LRRD1: variants seen among roughly 807,000 people sequenced by gnomAD.
LRRD1 encodes the protein leucine rich repeats and death domain containing 1, also known as leucine-rich repeat and death domain-containing protein 1.
Under a neutral mutation model 69.5 loss-of-function variants are expected in LRRD1, and 49 were observed. The ratio of observed to expected loss-of-function variants is 0.70; its 90% CI spans 0.56 to 0.89. The LOEUF (loss-of-function observed/expected upper bound fraction) is 0.89, where lower values mean the gene tolerates loss of function less well. Ranked by LOEUF, LRRD1 falls within the 40% of genes least tolerant of loss-of-function variation. LRRD1 has a pLI of 0.00. For synonymous variants in LRRD1, 303 were observed against 338.9 expected, an observed-to-expected ratio of 0.89 and a Z score of 1.16; for missense variants, 853 against 956.0, an observed-to-expected ratio of 0.89 and a Z score of 1.42.
At chr7:92,156,442 A>G (rs1197073981) in intron 3 of LRRD1, among the ~76,000 whole-genome samples, 1 of 152,204 alleles carries the variant, frequency 6.6e-6, no homozygotes, top group African/African-American at 2.4e-5. Context: ...ATTTATAAAC[A>G]CTATATATCT....
chr7:92,159,686 A>C (rs1233054200), intron 2 of LRRD1, among the ~76,000 whole-genome samples: 1 of 144,640 alleles, frequency 6.9e-6, no homozygotes, highest in African/African-American at 2.6e-5. Context: ...CAATGGCATG[A>C]TCTCAGCTCA....
At chr7:92,160,249 A>G (rs1054696192) in intron 2 of LRRD1, among the ~76,000 whole-genome samples, 13 of 152,228 alleles carry the variant, frequency 8.5e-5, no homozygotes, top group Non-Finnish European at 1.8e-4. Flanking sequence ...TCTAATAGCT[A>G]AACAACAAGG....
chr7:92,177,274 T>C (rs377259413), intron 1 of LRRD1, among the ~76,000 whole-genome samples: 2 of 152,090 alleles, frequency 1.3e-5, no homozygotes, highest in African/African-American at 2.4e-5. Context: ...AAGGTTATAC[T>C]ACCATCATAG....
At chr7:92,154,068 C>T (rs1034743216) in intron 3 of LRRD1, among the ~76,000 whole-genome samples, 6 of 151,980 alleles carry the variant, frequency 3.9e-5, no homozygotes, top group Admixed American at 1.3e-4. Flanking sequence ...GAACTCCTGA[C>T]CTCAGGAGAT....
chr7:92,164,607 C>A lies in LRRD1; in HGVS notation c.596G>T (p.Gly199Val). 6.4e-7 allele frequency: 1 copy of A among 1,551,634 alleles called. No homozygotes were observed. The highest frequency in any genetic ancestry group is 8.7e-7 in the Non-Finnish European group (1 of 1,146,790). The change falls in exon 2 of 6, where the codon GGA (glycine) becomes GTA (valine). Residue 199 changes from glycine to valine, a missense_variant. Coordinates refer to ENST00000458448, the MANE Select transcript of LRRD1 (RefSeq NM_001161528.2). ...GLEILSLQEN[G>V]LSSLPSEIQL... ...AATTTCAGATGGAAGTGATGATAAT[C>A]CATTTTCTTGCAGGGATAGAATTTC...
chr7:92,165,038 A>G lies in LRRD1; in HGVS notation c.165T>C (p.Ile55=), dbSNP rs1380626262. Residue 55 remains isoleucine, a synonymous_variant, in exon 2 of 6, where the codon ATT becomes ATC. Coordinates refer to ENST00000458448, the MANE Select transcript of LRRD1 (RefSeq NM_001161528.2). ...DYLEGKSSNQ[I]YETHPRQNTL... The stretch of plus-strand genomic sequence containing the variant: ...TATTCTGTCTAGGATGTGTTTCATA[A>G]ATCTGGTTAGAAGATTTCCCTTCCA... The G allele has an allele frequency of 1.1e-5, 17 of 1,551,418 alleles. No individual in the cohort carries two copies. The highest frequency in any genetic ancestry group is 1.5e-5 in the Non-Finnish European group (17 of 1,146,958).
At chr7:92,165,924 T>TA (rs1346292450) in intron 1 of LRRD1, among the ~76,000 whole-genome samples, 6 of 145,632 alleles carry the variant, frequency 4.1e-5, no homozygotes, top group African/African-American at 1.3e-4. Flanking sequence ...CCATGACAGG[T>TA]AAAGAGTACC....
At chr7:92,171,410 A>C (rs1584662794) in intron 1 of LRRD1, among the ~76,000 whole-genome samples, 1 of 152,154 alleles carries the variant, frequency 6.6e-6, no homozygotes, top group East Asian at 1.9e-4. Context: ...TACATCAACA[A>C]ATTGGAAAAC....
intron 1 of LRRD1, among the ~76,000 whole-genome samples, chr7:92,176,990 T>C (rs1005969698): frequency 3.4e-5 from 5 of 148,482 alleles, no homozygotes; most frequent in Non-Finnish European, 5.9e-5. Flanking sequence ...TTGTATAATA[T>C]ATAAATAATA....
At chr7:92,156,940 C>A (rs1788670163) in intron 3 of LRRD1, among the ~76,000 whole-genome samples, 1 of 148,330 alleles carries the variant, frequency 6.7e-6, no homozygotes, top group South Asian at 2.1e-4. Context: ...AGGAAATTCT[C>A]TTCTATTTCT....
rs1470268453 is a variant in LRRD1 at position 92,164,459 on chromosome 7, A to T, written c.744T>A (p.Asn248Lys). 6.5e-7 allele frequency: 1 copy of T among 1,550,048 alleles called. No homozygotes were observed. The highest frequency in any genetic ancestry group is 2.5e-5 in the East Asian group (1 of 40,812). ...CAAGACATTCTAAGTCAGAAGGAAA[A>T]TTTTCAATGTAATTGTTATAAAAAA... ...QLFFYNNYIE[N>K]FPSDLECLGN... Residue 248 changes from asparagine (N) to lysine (K), a missense_variant, in exon 2 of 6, where the codon AAT (asparagine) becomes AAA (lysine). Asn to Lys is a moderately conservative substitution (Grantham distance 94). This residue lies in a region of LRRD1 where 739 missense variants were observed against 808.0 expected (regional missense o/e 0.91). Transcript: ENST00000458448.
chr7:92,145,116 T>TA, intron 5 of LRRD1, 42 bp from the exon 6 acceptor site: 1 of 978,050 alleles, frequency 1.0e-6, no homozygotes, highest in Non-Finnish European at 1.4e-6. Context: ...AAATATTTAT[T>TA]AACGTTTAAT....
downstream of LRRD1, chr7:92,142,668 C>G (rs1007657159): frequency 4.9e-6 from 2 of 405,776 alleles, no homozygotes; most frequent in Non-Finnish European, 9.7e-6. Flanking sequence ...CGGATGTGTT[C>G]GGAGTTTCTT....
At chr7:92,162,351 C>T (rs1472038476) in intron 2 of LRRD1, among the ~76,000 whole-genome samples, 1 of 152,182 alleles carries the variant, frequency 6.6e-6, no homozygotes, top group East Asian at 1.9e-4. Flanking sequence ...TATTTGATCA[C>T]AGACACTGCT....
At chr7:92,158,112 C>A (rs1459502489) in intron 3 of LRRD1, among the ~76,000 whole-genome samples, 2 of 152,116 alleles carry the variant, frequency 1.3e-5, no homozygotes, top group Admixed American at 1.3e-4. Flanking sequence ...GTGTAGTCCC[C>A]TCCCACATTA....
intron 1 of LRRD1, among the ~76,000 whole-genome samples, chr7:92,171,143 A>G (rs1354803267): frequency 1.3e-5 from 2 of 152,194 alleles, no homozygotes; most frequent in African/African-American, 4.8e-5. Flanking sequence ...TAGAAAAGGA[A>G]GAACAAACCA....
chr7:92,148,421 G>A (rs1425437345), intron 4 of LRRD1, among the ~76,000 whole-genome samples: 1 of 151,876 alleles, frequency 6.6e-6, no homozygotes, highest in Non-Finnish European at 1.5e-5. Context: ...GATCAAATAT[G>A]TTCTATTTTA....
intron 4 of LRRD1, among the ~76,000 whole-genome samples, chr7:92,149,555 G>A (rs1311179207): frequency 1.3e-5 from 2 of 152,156 alleles, no homozygotes; most frequent in Non-Finnish European, 2.9e-5. Context: ...AAATGGGCCT[G>A]TTCTCAGAAA....
intron 4 of LRRD1, among the ~76,000 whole-genome samples, chr7:92,147,001 AT>A: frequency 6.6e-6 from 1 of 151,724 alleles, no homozygotes; most frequent in Non-Finnish European, 1.5e-5. Context: ...CATTTGTTCC[AT>A]TTTTTTCTAA....
Sources: allele counts gnomAD v4.1 joint callset (sites outside exome capture counted in the v4.1 genomes callset), GRCh38; gene constraint gnomAD v4.1.1; regional missense constraint gnomAD v4.1.1; transcripts MANE v1.5; gene names NCBI Gene and HGNC (gene_info 2026-07-23, HGNC 2026-07-21).